The following CUX1 variants were observed in gnomAD, a reference collection of about 807,000 sequenced individuals.
CUX1 encodes protein CASP.
CUX1 carries 31 observed loss-of-function variants against 158.8 expected under a neutral mutation model. The ratio of observed to expected loss-of-function variants is 0.20; its 90% CI spans 0.15 to 0.26. The LOEUF (loss-of-function observed/expected upper bound fraction) is 0.26, where lower values mean the gene tolerates loss of function less well. CUX1 is among the 10% of genes least tolerant of loss of function. The pLI, the probability that CUX1 is intolerant of heterozygous loss-of-function variation, is 1.00. For synonymous variants in CUX1, 879 were observed against 862.1 expected (o/e 1.02, Z -0.34); for missense variants, 1,589 against 2,014.6 (o/e 0.79, Z 4.04).
At chr7:102,282,688 C>G in intron 21 of CUX1, 1 of 1,610,652 alleles carries the variant, frequency 6.2e-7, no homozygotes, top group East Asian at 2.2e-5. Flanking sequence ...GAACGGGCAG[C>G]TCACCGTGTC....
At position 102,256,615 on chromosome 7, in the gene CUX1, C is replaced by T. The variant is rs1789919692; in HGVS notation, c.*7573C>T. On this transcript the variant is annotated 3_prime_UTR_variant, in exon 24 of 24. Coordinates refer to ENST00000292535, the MANE Select transcript of CUX1 (RefSeq NM_181552.4). ...CTTTTTAAATGAGAGTGTTTATGAA[C>T]AAAAAAATTTACCAACGTGTGAGGG... The T allele has an allele frequency of 2.0e-6, 2 of 985,300 alleles. No homozygotes were observed. The highest frequency in any genetic ancestry group is 2.4e-6 in the Non-Finnish European group (2 of 829,912). 61.0% of individuals were successfully genotyped at this position (985,300 alleles called of 1,614,324 possible). A position where few individuals can be genotyped will look rare whatever the true frequency, so the allele number is the denominator to read the frequency against.
chr7:102,082,475 C>A (rs1334366080), intron 4 of CUX1, among the ~76,000 whole-genome samples: 1 of 147,016 alleles, frequency 6.8e-6, no homozygotes, highest in East Asian at 1.9e-4. Context: ...GCCAAGATCG[C>A]GCCACTGCAC....
rs1790047676 is a variant in CUX1, at chr7:102,257,716, A to G, written c.*8674A>G. ...CTATAAGCTCAGCTCCCCCCACCCC[A>G]CCCCCACTCTAGCGTTTTGTCACGT... is the stretch of plus-strand genomic sequence containing the variant. On this transcript the variant is annotated 3_prime_UTR_variant, in exon 24 of 24. Transcript: ENST00000292535. 7 of 974,806 alleles carry G rather than the reference A, an allele frequency of 7.2e-6. No individual in the cohort carries two copies. In the South Asian group the frequency reaches 2.4e-4, roughly 33 times the overall value. The allele number at this position is 974,806 out of a possible 1,614,324, so 60.4% of individuals were successfully genotyped here. A position where few individuals can be genotyped will look rare whatever the true frequency, so the allele number is the denominator to read the frequency against.
intron 1 of CUX1, among the ~76,000 whole-genome samples, chr7:101,891,683 ATGTGAC>A (rs1800894464): frequency 1.3e-5 from 2 of 152,188 alleles, no homozygotes; most frequent in African/African-American, 4.8e-5. Flanking sequence ...ACCATCCAGA[ATGTGAC>A]TTCTGGCCAG....
At chr7:101,886,262 C>T (rs561224064) in intron 1 of CUX1, among the ~76,000 whole-genome samples, 1 of 152,192 alleles carries the variant, frequency 6.6e-6, no homozygotes, top group African/African-American at 2.4e-5. Context: ...GGCACAATCT[C>T]ACCTCATTGC....
rs116024287 is a variant in CUX1 at position 102,046,982 on chromosome 7, C to G, written c.189+18837C>G. On this transcript the variant is annotated intron_variant, in intron 3 of 23. Coordinates refer to ENST00000292535, the MANE Select transcript of CUX1 (RefSeq NM_181552.4). ...TGTTGCTCATCTAGTGTTCCCACCCCCAGGATGCTCCCCTACCTTGCTCAT... is the reference window on the plus strand; with the variant it reads ...TGTTGCTCATCTAGTGTTCCCACCCGCAGGATGCTCCCCTACCTTGCTCAT... Among the ~76,000 whole-genome samples the G allele has an allele frequency of 3.5e-3, 535 of 152,248 alleles. 2 individuals carry two copies. Among genetic ancestry groups the G allele is most frequent in the African/African-American group, 0.012 (503 of 41,532 alleles).
At chr7:102,026,022 TAAG>T (rs1819980280) in intron 2 of CUX1, among the ~76,000 whole-genome samples, 1 of 151,930 alleles carries the variant, frequency 6.6e-6, no homozygotes, top group South Asian at 2.1e-4. Context: ...TACAAAAAAA[TAAG>T]AAAATTAGCA....
At chr7:101,875,415 A>G (rs1339031672) in intron 1 of CUX1, among the ~76,000 whole-genome samples, 2 of 152,194 alleles carry the variant, frequency 1.3e-5, no homozygotes, top group Non-Finnish European at 2.9e-5. Flanking sequence ...ATTAACCAAA[A>G]ACACTTGGCT....
chr7:101,828,061 C>T (rs1292264088), intron 1 of CUX1, among the ~76,000 whole-genome samples: 6 of 148,990 alleles, frequency 4.0e-5, no homozygotes, highest in East Asian at 4.0e-4. Context: ...CTGCAACCTT[C>T]GCCTCCCAGG....
At chr7:101,850,134 G>A (rs576068195) in intron 1 of CUX1, among the ~76,000 whole-genome samples, 4 of 151,908 alleles carry the variant, frequency 2.6e-5, no homozygotes, top group Non-Finnish European at 5.9e-5. Context: ...ATCTTGGCCA[G>A]GCTGGTCTCA....
intron 8 of CUX1, among the ~76,000 whole-genome samples, chr7:102,116,339 C>G (rs1322780425): frequency 6.6e-6 from 1 of 152,136 alleles, no homozygotes; most frequent in Non-Finnish European, 1.5e-5. Flanking sequence ...AGAATGGATT[C>G]TGATCATGAG....
chr7:102,103,815 C>A (rs1411767423), intron 5 of CUX1, among the ~76,000 whole-genome samples: 1 of 151,654 alleles, frequency 6.6e-6, no homozygotes, highest in African/African-American at 2.4e-5. Flanking sequence ...TTATAGGCTA[C>A]ATGAGACGTT....
intron 3 of CUX1, among the ~76,000 whole-genome samples, chr7:102,052,475 T>C (rs1290098958): frequency 1.3e-5 from 2 of 152,234 alleles, no homozygotes; most frequent in African/African-American, 2.4e-5. Context: ...CTTTCATTCT[T>C]TTTATGGCTG....
intron 4 of CUX1, among the ~76,000 whole-genome samples, chr7:102,085,894 C>G (rs1554480297): frequency 6.6e-6 from 1 of 152,116 alleles, no homozygotes; most frequent in Non-Finnish European, 1.5e-5. Context: ...CCATCCAGGC[C>G]TGGAATTTTC....
At chr7:102,168,908 CTTTTAT>C (rs1220950150) in intron 9 of CUX1, among the ~76,000 whole-genome samples, 6 of 121,984 alleles carry the variant, frequency 4.9e-5, no homozygotes, top group African/African-American at 1.7e-4. Context: ...CTTTTCTTTT[CTTTTAT>C]TTTCTTTTCT....
At chr7:102,242,205 CTTTTTTTTTTTTTT>C (rs67514665) in intron 23 of CUX1, among the ~76,000 whole-genome samples, 2 of 93,072 alleles carry the variant, frequency 2.1e-5, no homozygotes, top group East Asian at 8.7e-4. Context: ...TTCTTTCTTT[CTTTTTTTTTTTTTT>C]TTTTTTTTCT....
intron 3 of CUX1, among the ~76,000 whole-genome samples, chr7:102,066,002 G>A (rs1180932547): frequency 6.6e-6 from 1 of 152,120 alleles, no homozygotes; most frequent in Non-Finnish European, 1.5e-5. Flanking sequence ...TGTTGACCAG[G>A]CTGGTCTGCA....
chr7:101,831,672 C>T (rs1284401150), intron 1 of CUX1, among the ~76,000 whole-genome samples: 10 of 151,938 alleles, frequency 6.6e-5, no homozygotes, highest in Non-Finnish European at 1.0e-4. Context: ...ACAGACGGAG[C>T]AGGACTGATA....
At chr7:102,084,352 C>A (rs545336309) in intron 4 of CUX1, among the ~76,000 whole-genome samples, 2 of 149,230 alleles carry the variant, frequency 1.3e-5, no homozygotes, top group South Asian at 4.2e-4. Context: ...TTAATGCTCA[C>A]CTATTAGCTC....
Sources: allele counts gnomAD v4.1 joint callset (sites outside exome capture counted in the v4.1 genomes callset), GRCh38; gene constraint gnomAD v4.1.1; transcripts MANE v1.5; gene names NCBI Gene and HGNC (gene_info 2026-07-23, HGNC 2026-07-21).